RNF157: variants seen among roughly 807,000 people sequenced by gnomAD.
RNF157 encodes the protein E3 ubiquitin ligase RNF157.
In RNF157, 55 loss-of-function variants were observed where a neutral mutation model predicts 88.3. That is an observed-to-expected ratio of 0.62 (90% CI 0.50 to 0.78). RNF157 has a LOEUF of 0.78. Among genes scored for constraint, RNF157 ranks in the 30% least tolerant of loss-of-function variants. RNF157 has a pLI of 0.00. For missense variants in RNF157, 788 were observed against 860.8 expected (o/e 0.92, Z 1.06); for synonymous variants, 334 against 341.2 (o/e 0.98, Z 0.23).
At chr17:76,226,335 T>C (rs2070084410) in intron 1 of RNF157, 3 of 1,600,136 alleles carry the variant, frequency 1.9e-6, no homozygotes, top group East Asian at 2.2e-5. Context: ...TGCAAGAAGG[T>C]GAAGGGGGCA....
At chr17:76,155,871 G>A in intron 14 of RNF157, 137 bp from the exon 15 acceptor site, 3 of 776,822 alleles carry the variant, frequency 3.9e-6, no homozygotes, top group Middle Eastern at 3.9e-4. Flanking sequence ...CCTAAAAGTG[G>A]TTTTAGGTTT....
chr17:76,234,571 G>A (rs1243172038), intron 1 of RNF157, among the ~76,000 whole-genome samples: 1 of 152,286 alleles, frequency 6.6e-6, no homozygotes, highest in Non-Finnish European at 1.5e-5. Flanking sequence ...CCTAGTGGGT[G>A]TGAAGTGGTA....
At chr17:76,221,799 C>G (rs1406919975) in intron 1 of RNF157, among the ~76,000 whole-genome samples, 1 of 152,140 alleles carries the variant, frequency 6.6e-6, no homozygotes, top group Non-Finnish European at 1.5e-5. Context: ...TATAATGTGT[C>G]CGACATATGT....
chr17:76,146,799 G>A lies in RNF157; in HGVS notation c.1922-1446C>T, dbSNP rs1484372710. The stretch of plus-strand genomic sequence containing the variant: ...CAGCACAACACCTGACCCATAGGAG[G>A]ACCTGTTCAGCGGACAAGGCCGACC... On this transcript the variant is annotated intron_variant, in intron 18 of 18. Coordinates refer to ENST00000269391, the MANE Select transcript of RNF157 (RefSeq NM_052916.3). This position sits in a 1 kb window ranked among gnomAD's most constrained non-coding sequence, Gnocchi z 4.2. 1.0e-6 allele frequency: 1 copy of A among 985,406 alleles called. No individual in the cohort carries two copies. Among genetic ancestry groups the A allele is most frequent in the Non-Finnish European group, 1.2e-6 (1 of 829,876 alleles). The allele number at this position is 985,406 out of a possible 1,614,324, so 61.0% of individuals were successfully genotyped here.
At position 76,167,715 on chromosome 17, in the gene RNF157, C is replaced by G; in HGVS notation, c.379G>C (p.Asp127His). 1 of 1,614,230 alleles carries G rather than the reference C, an allele frequency of 6.2e-7. No individual in the cohort carries two copies. Among genetic ancestry groups the G allele is most frequent in the Non-Finnish European group, 8.5e-7 (1 of 1,180,052 alleles). ...HYNVEFTFDT[D>H]ARVAITIYYQ... is the part of the protein sequence containing the mutation. Reference sequence around the variant, plus strand: ...TAGATGGTGATGGCTACCCGAGCATCTGTGTCAAAGGTGAACTCAACATTG... The same window carrying G: ...TAGATGGTGATGGCTACCCGAGCATGTGTGTCAAAGGTGAACTCAACATTG... Residue 127 changes from aspartate to histidine, a missense_variant, in exon 4 of 19, where the codon GAT (aspartate) becomes CAT (histidine). Asp to His is a moderately conservative substitution (Grantham distance 81, BLOSUM62 -1). Coordinates refer to ENST00000269391, the MANE Select transcript of RNF157 (RefSeq NM_052916.3).
At chr17:76,149,793 G>A (rs1406644883) in intron 18 of RNF157, among the ~76,000 whole-genome samples, 1 of 152,088 alleles carries the variant, frequency 6.6e-6, no homozygotes, top group South Asian at 2.1e-4. Context: ...CAGCACTTTG[G>A]GGGGCCGAGG....
chr17:76,227,029 A>G (rs112106405), intron 1 of RNF157, among the ~76,000 whole-genome samples: 1 of 151,874 alleles, frequency 6.6e-6, no homozygotes, highest in East Asian at 1.9e-4. Context: ...GAGGGCGGGG[A>G]GGAGGGAAGG....
In RNF157 at chr17:76,160,540, G is replaced by C. The variant is rs530750116; in HGVS notation, c.1066-967C>G. Among the ~76,000 whole-genome samples, 1 of 152,056 alleles carries C rather than the reference G, an allele frequency of 6.6e-6. No homozygotes were observed. The highest frequency in any genetic ancestry group is 2.4e-5 in the African/African-American group (1 of 41,460). On this transcript the variant is annotated intron_variant, in intron 11 of 18. Coordinates refer to ENST00000269391, the MANE Select transcript of RNF157 (RefSeq NM_052916.3). The surrounding 1 kb of genome is among the most constrained non-coding windows in gnomAD (Gnocchi z 4.3). Reference sequence around the variant, plus strand: ...TTTGCATATCATTGATTTTTAATGTGGTTGAACTTTTTAAAAAATTCTATG... The same window carrying C: ...TTTGCATATCATTGATTTTTAATGTCGTTGAACTTTTTAAAAAATTCTATG...
chr17:76,198,731 T>G (rs2069520245), intron 2 of RNF157, among the ~76,000 whole-genome samples: 1 of 152,222 alleles, frequency 6.6e-6, no homozygotes, highest in Non-Finnish European at 1.5e-5. Context: ...AAATGTGTCT[T>G]CTGTGAGCCC....
intron 3 of RNF157, among the ~76,000 whole-genome samples, chr17:76,168,329 T>C (rs560235033): frequency 6.6e-6 from 1 of 152,322 alleles, no homozygotes; most frequent in East Asian, 1.9e-4. Context: ...TTTATTATAA[T>C]AGTCCAGTAC....
Position 76,202,146 on chromosome 17 carries a change from A to T in RNF157, c.207+10218T>A, listed in dbSNP as rs982349905. On this transcript the variant is annotated intron_variant, in intron 2 of 18. Coordinates refer to ENST00000269391, the MANE Select transcript of RNF157 (RefSeq NM_052916.3). The stretch of plus-strand genomic sequence containing the variant: ...CTCTCTCTCACACACACACACACAC[A>T]CACACACACACACACACACACACAC... Among the ~76,000 whole-genome samples the T allele has an allele frequency of 9.4e-4, 141 of 150,502 alleles. 1 individual carries two copies. Among genetic ancestry groups the T allele is most frequent in the Non-Finnish European group, 1.1e-3 (74 of 67,174 alleles).
chr17:76,206,969 A>T (rs2069691260), intron 2 of RNF157, among the ~76,000 whole-genome samples: 1 of 152,238 alleles, frequency 6.6e-6, no homozygotes, highest in African/African-American at 2.4e-5. Flanking sequence ...AGGTAATCTG[A>T]GCACCTGAGT....
intron 18 of RNF157, 142 bp from the exon 19 acceptor site, chr17:76,145,495 C>T (rs2068571163): frequency 1.6e-6 from 1 of 612,996 alleles, no homozygotes. Context: ...CGAGCCACAG[C>T]ACTCGTGTGT....
chr17:76,201,323 CAAA>C (rs780243656), intron 2 of RNF157, among the ~76,000 whole-genome samples: 3 of 59,658 alleles, frequency 5.0e-5, no homozygotes, highest in Non-Finnish European at 4.4e-5. Flanking sequence ...CTAGTCTCTA[CAAA>C]AAAAAAAAAA....
intron 2 of RNF157, among the ~76,000 whole-genome samples, chr17:76,189,075 C>G (rs2069340163): frequency 6.6e-6 from 1 of 152,154 alleles, no homozygotes; most frequent in Non-Finnish European, 1.5e-5. Context: ...GAAACTAGCA[C>G]ACATTGGAGG....
intron 18 of RNF157, chr17:76,147,286 T>C: frequency 1.9e-5 from 19 of 985,280 alleles, no homozygotes; most frequent in Non-Finnish European, 2.0e-5. Flanking sequence ...TCAATGTTTA[T>C]GGGGCAGGAC....
chr17:76,179,218 G>A (rs1249350145), intron 2 of RNF157, among the ~76,000 whole-genome samples: 6 of 151,254 alleles, frequency 4.0e-5, no homozygotes, highest in Non-Finnish European at 1.5e-5. Flanking sequence ...AACATGGCGA[G>A]ACTTTGTCCC....
At chr17:76,239,792 C>T (rs2070346196) in intron 1 of RNF157, among the ~76,000 whole-genome samples, 1 of 152,102 alleles carries the variant, frequency 6.6e-6, no homozygotes, top group African/African-American at 2.4e-5. Context: ...CGGCCGGGTC[C>T]GTGCGGGGCG....
chr17:76,162,106 C>T (rs1018348359), intron 9 of RNF157, 104 bp from the exon 10 acceptor site: 33 of 1,167,592 alleles, frequency 2.8e-5, no homozygotes, highest in Middle Eastern at 2.0e-4. Flanking sequence ...GTAATAATTA[C>T]GAACAAAATC....
Sources: gnomAD v4.1 joint callset for allele counts (sites outside exome capture counted in the v4.1 genomes callset) on GRCh38, gnomAD v4.1.1 for gene constraint, Gnocchi (gnomAD v3.1) non-coding constraint, MANE v1.5 for transcripts, NCBI Gene and HGNC (gene_info 2026-07-23, HGNC 2026-07-21) for gene names.